Variants in PPP1R13L observed in about 807,000 individuals in gnomAD.
The protein encoded by PPP1R13L is relA-associated inhibitor.
A neutral mutation model predicts 80.9 loss-of-function variants in PPP1R13L; 50 were observed. That is an observed-to-expected ratio of 0.62 (90% CI 0.49 to 0.78). The LOEUF is 0.78. PPP1R13L is among the 30% of genes least tolerant of loss of function. The probability of loss-of-function intolerance (pLI) is 0.00; values close to 1 mark genes in which losing one functional copy is unlikely to be tolerated. For missense variants in PPP1R13L, 1,200 were observed against 1,205.9 expected (o/e 1.00, Z 0.07); for synonymous variants, 602 against 534.3 (o/e 1.13, Z -1.75).
In PPP1R13L at chr19:45,391,858, G is replaced by T. The variant is rs760355351; in HGVS notation, c.1815+22C>A. On this transcript the variant is annotated intron_variant, in intron 8 of 12. Transcript: ENST00000360957. Reference sequence around the variant, plus strand: ...TGGATTCATGTAGCAAACATACCCCGGTTTCCTCCTGTATTACTTACCATG... The same window carrying T: ...TGGATTCATGTAGCAAACATACCCCTGTTTCCTCCTGTATTACTTACCATG... 8.4e-6 allele frequency: 12 copies of T among 1,434,320 alleles called. No homozygotes were observed. The South Asian group carries it at 1.6e-4, about 20-fold the overall frequency. The allele number at this position is 1,434,320 out of a possible 1,614,324, so 88.8% of individuals were successfully genotyped here. A position where few individuals can be genotyped will look rare whatever the true frequency, so the allele number is the denominator to read the frequency against.
At chr19:45,394,629 A>ATTTTTTTT (rs56394453) in intron 7 of PPP1R13L, 2 of 124,670 alleles carry the variant, frequency 1.6e-5, no homozygotes, top group African/African-American at 7.3e-5. Context: ...TGCCCAGCTA[A>ATTTTTTTT]TTTTTTTTTT....
chr19:45,398,035 A>G lies in PPP1R13L; in HGVS notation c.168T>C (p.Pro56=). ...AAGGGGGTCCGGCCTGCGGGCCAGG[A>G]GGCGCGGGAGAGTCTGACCACAGCG... ...LESLWSDSPA[P]PGPQAGPPSR... is the part of the protein sequence containing the mutation. The change falls in exon 3 of 13, where the codon CCT becomes CCC. Residue 56 remains proline (P), a synonymous_variant. Transcript: ENST00000360957. 6.2e-7 allele frequency: 1 copy of G among 1,613,632 alleles called. No individual in the cohort carries two copies. Among genetic ancestry groups the G allele is most frequent in the Non-Finnish European group, 8.5e-7 (1 of 1,179,620 alleles).
chr19:45,386,138 C>T lies in PPP1R13L; in HGVS notation c.1858G>A (p.Ala620Thr). ...VLRKAGSPRK[A>T]RRARLNPLVL... ...AGAGGGTTGAGGCGCGCGCGGCGGG[C>T]CTTGCGCGGGGAGCCCGCCTTCCGC... The change falls in exon 9 of 13, where the codon GCC becomes ACC. Residue 620 changes from alanine (A) to threonine (T), a missense_variant. Transcript: ENST00000360957. 2 of 1,542,570 alleles carry T rather than the reference C, an allele frequency of 1.3e-6. No homozygotes were observed. Among genetic ancestry groups the T allele is most frequent in the Non-Finnish European group, 8.6e-7 (1 of 1,157,406 alleles).
rs1225947843 is a variant in PPP1R13L at position 45,382,610 on chromosome 19, G to A, written c.2365C>T (p.Arg789Trp). The A allele has an allele frequency of 6.2e-7, 1 of 1,613,674 alleles. No individual in the cohort carries two copies. Among genetic ancestry groups the A allele is most frequent in the Non-Finnish European group, 8.5e-7 (1 of 1,179,992 alleles). ...FREGESVTVL[R>W]RDGPEETDWW... ...TCGGTCTCCTCCGGCCCGTCCCTCC[G>A]CAGCACGGTGACCGACTCGCCCTCG... Residue 789 changes from arginine to tryptophan, a missense_variant, in exon 12 of 13, where the codon CGG (arginine) becomes TGG (tryptophan). Transcript: ENST00000360957.
At chr19:45,399,935 C>T (rs916179264) in intron 1 of PPP1R13L, among the ~76,000 whole-genome samples, 5 of 150,912 alleles carry the variant, frequency 3.3e-5, no homozygotes, top group African/African-American at 4.9e-5. Flanking sequence ...GGTGACAGAG[C>T]GAGGCTCTAT....
chr19:45,382,701 C>T lies in PPP1R13L; in HGVS notation c.2274G>A (p.Met758Ile), dbSNP rs374396685. ...LADVEQSMGL[M>I]NSGAVYALWD... ...AGAGAGCGTACACTGCCCCGCTGTT[C>T]ATCAGCCCCATACTCTGCTCGACGT... is the stretch of plus-strand genomic sequence containing the variant. Residue 758 changes from methionine (M) to isoleucine (I), a missense_variant, in exon 12 of 13, where the codon ATG (methionine) becomes ATA (isoleucine). By Grantham distance (10) the Met-to-Ile change is conservative (BLOSUM62 1). Around this residue, in one of 5 missense-constraint regions of PPP1R13L, gnomAD observed 165 missense variants for 177.1 expected, o/e 0.93. Transcript: ENST00000360957. 8 of 1,613,934 alleles carry T rather than the reference C, an allele frequency of 5.0e-6. No individual in the cohort carries two copies. Among genetic ancestry groups the T allele is most frequent in the Non-Finnish European group, 6.8e-6 (8 of 1,180,054 alleles).
intron 8 of PPP1R13L, among the ~76,000 whole-genome samples, chr19:45,389,393 C>A (rs1599766898): frequency 6.6e-6 from 1 of 152,154 alleles, no homozygotes; most frequent in African/African-American, 2.4e-5. Context: ...GTGGCTACAA[C>A]CCTCTTCCCA....
At position 45,395,825 on chromosome 19, in the gene PPP1R13L, C is replaced by G; in HGVS notation, c.965G>C (p.Arg322Pro). The G allele has an allele frequency of 1.9e-6, 3 of 1,594,848 alleles. No homozygotes were observed. The highest frequency in any genetic ancestry group is 2.6e-6 in the Non-Finnish European group (3 of 1,172,670). ...NYKVSPLASD[R>P]RSDAGSYRRS... ...CCGGTAGCTGCCCGCGTCTGAACGC[C>G]GGTCGCTGGCCAGAGGAGAGACCTT... Residue 322 changes from arginine (R) to proline (P), a missense_variant, in exon 7 of 13, where the codon CGG becomes CCG. Transcript: ENST00000360957.
upstream of PPP1R13L, chr19:45,405,115 G>A (rs763814308): frequency 1.2e-5 from 11 of 945,100 alleles, no homozygotes; most frequent in Non-Finnish European, 1.3e-5. Context: ...ACTTGGGCTG[G>A]AGGGAGGCGG....
At chr19:45,388,069 C>T (rs963466879) in intron 8 of PPP1R13L, among the ~76,000 whole-genome samples, 9 of 151,276 alleles carry the variant, frequency 5.9e-5, no homozygotes, top group African/African-American at 9.7e-5. Context: ...CTCAGGAGGC[C>T]GTGGCATGAG....
chr19:45,404,900 C>T, intron 1 of PPP1R13L, 99 bp downstream of exon 1: 1 of 747,864 alleles, frequency 1.3e-6, no homozygotes, highest in Non-Finnish European at 1.6e-6. Flanking sequence ...CCCCAAATTC[C>T]GCCCTGGGAC....
intron 1 of PPP1R13L, among the ~76,000 whole-genome samples, chr19:45,403,391 C>T (rs773372363): frequency 1.8e-4 from 28 of 152,206 alleles, no homozygotes; most frequent in Admixed American, 3.9e-4. Flanking sequence ...CTTCCTGAGC[C>T]CTTGCCTCTC....
intron 12 of PPP1R13L, 25 bp from the exon 13 acceptor site, chr19:45,380,253 C>T (rs779190812): frequency 1.9e-6 from 3 of 1,613,742 alleles, no homozygotes; most frequent in South Asian, 2.2e-5. Flanking sequence ...GATCTTCAGA[C>T]ATCAGGAGCT....
chr19:45,383,119 C>G (rs1030051298), intron 11 of PPP1R13L, among the ~76,000 whole-genome samples: 7 of 150,666 alleles, frequency 4.6e-5, no homozygotes, highest in Non-Finnish European at 1.0e-4. Flanking sequence ...CTCAGCCTCC[C>G]GAGTAGCTGG....
chr19:45,386,094 C>T lies in PPP1R13L; in HGVS notation c.1902G>A (p.Ala634=). ...RLNPLVLLLD[A]ALTGELEVVQ... ...CCACCTCCAGCTCCCCGGTCAGCGCCGCGTCCAGGAGGAGCACCAGAGGGT... is the reference window on the plus strand; with the variant it reads ...CCACCTCCAGCTCCCCGGTCAGCGCTGCGTCCAGGAGGAGCACCAGAGGGT... Residue 634 remains alanine (A), a synonymous_variant, in exon 9 of 13, where the codon GCG becomes GCA. Coordinates refer to ENST00000360957, the MANE Select transcript of PPP1R13L (RefSeq NM_006663.4). 1 of 1,578,860 alleles carries T rather than the reference C, an allele frequency of 6.3e-7. No homozygotes were observed. Among genetic ancestry groups the T allele is most frequent in the South Asian group, 1.1e-5 (1 of 87,610 alleles).
rs1973064552 is a variant in PPP1R13L at position 45,395,497 on chromosome 19, T to G, written c.1293A>C (p.Gln431His). The G allele has an allele frequency of 1.5e-5, 21 of 1,448,216 alleles. No individual in the cohort carries two copies. Among genetic ancestry groups the G allele is most frequent in the Non-Finnish European group, 1.7e-5 (18 of 1,075,388 alleles). 89.7% of individuals were successfully genotyped at this position (1,448,216 alleles called of 1,614,324 possible). Residue 431 changes from glutamine to histidine, a missense_variant, in exon 7 of 13, where the codon CAA (glutamine) becomes CAC (histidine). This residue lies in a region of PPP1R13L where 764 missense variants were observed against 714.5 expected (regional missense o/e 1.07). Coordinates refer to ENST00000360957, the MANE Select transcript of PPP1R13L (RefSeq NM_006663.4). Reference sequence around the variant, plus strand: ...GGGGGGCTGGGGTAGGGGTTTGGGGTTGGGTCTGGGGCTGTGGGGGCAGCT... The same window carrying G: ...GGGGGGCTGGGGTAGGGGTTTGGGGGTGGGTCTGGGGCTGTGGGGGCAGCT... ...QPQLPPQPQT[Q>H]PQTPTPAPQH...
chr19:45,384,637 A>G (rs550457997), intron 11 of PPP1R13L, among the ~76,000 whole-genome samples: 5 of 152,194 alleles, frequency 3.3e-5, no homozygotes, highest in African/African-American at 1.2e-4. Flanking sequence ...AGATTGCCTG[A>G]GCTCAAGAGT....
intron 8 of PPP1R13L, among the ~76,000 whole-genome samples, chr19:45,386,631 C>CT (rs34881055): frequency 0.019 from 2,550 of 133,594 alleles, 45 homozygotes; most frequent in East Asian, 0.037. Flanking sequence ...TTCTTTTTCT[C>CT]TTTTTTTTTT....
intron 9 of PPP1R13L, 29 bp from the exon 10 acceptor site, chr19:45,385,986 C>G (rs1972860244): frequency 6.3e-7 from 1 of 1,590,498 alleles, no homozygotes; most frequent in Non-Finnish European, 8.5e-7. Context: ...GGGGAAGACT[C>G]AGTCCCGCGG....
Sources: gnomAD v4.1 joint callset for allele counts (sites outside exome capture counted in the v4.1 genomes callset) on GRCh38, gnomAD v4.1.1 for gene constraint, gnomAD v4.1.1 regional missense constraint, MANE v1.5 for transcripts, NCBI Gene and HGNC (gene_info 2026-07-23, HGNC 2026-07-21) for gene names.